The following GRK6 variants were observed in gnomAD, a reference collection of about 807,000 sequenced individuals.
GRK6 encodes the protein G protein-coupled receptor kinase 6.
GRK6 carries 37 observed loss-of-function variants against 80.8 expected under a neutral mutation model. The observed-to-expected ratio is 0.46, with a 90% CI of 0.35 to 0.60. The LOEUF (loss-of-function observed/expected upper bound fraction) is 0.60, where lower values mean the gene tolerates loss of function less well. GRK6 is among the 20% of genes least tolerant of loss of function. The pLI, the probability that GRK6 is intolerant of heterozygous loss-of-function variation, is 0.00. For missense variants in GRK6, 560 were observed against 784.6 expected (o/e 0.71, Z 3.42); for synonymous variants, 295 against 320.9 (o/e 0.92, Z 0.86).
intron 1 of GRK6, among the ~76,000 whole-genome samples, chr5:177,427,584 C>G (rs912555817): frequency 6.6e-6 from 1 of 152,076 alleles, no homozygotes; most frequent in African/African-American, 2.4e-5. Context: ...TGTAGCTCCT[C>G]GTGGCTCCCA....
intron 4 of GRK6, 114 bp from the exon 5 acceptor site, chr5:177,432,592 C>A: frequency 1.3e-6 from 1 of 792,350 alleles, no homozygotes. Flanking sequence ...GGCTGGCACA[C>A]CCTGGCCTGC....
chr5:177,440,726 T>C lies in GRK6; in HGVS notation c.1431T>C (p.Val477=). ...CCCAGGCCATTTACTGCAAGGATGT[T>C]CTGGACATTGAACAGTTCTCTACGG... ...PDPQAIYCKD[V]LDIEQFSTVK... is the part of the protein sequence containing the mutation. Residue 477 remains valine, a synonymous_variant, in exon 14 of 16, where the codon GTT becomes GTC. Coordinates refer to ENST00000355472, the MANE Select transcript of GRK6 (RefSeq NM_001004106.3). 6.2e-7 allele frequency: 1 copy of C among 1,614,196 alleles called. No individual in the cohort carries two copies. The highest frequency in any genetic ancestry group is 8.5e-7 in the Non-Finnish European group (1 of 1,180,028).
chr5:177,436,624 T>C (rs746539060), intron 13 of GRK6, 94 bp downstream of exon 13: 2 of 1,241,998 alleles, frequency 1.6e-6, no homozygotes, highest in Non-Finnish European at 2.2e-6. Flanking sequence ...CCAGTGCAAG[T>C]GGCAGAAAAA....
In GRK6 at chr5:177,428,385, C is replaced by T. The variant is rs1581671999; in HGVS notation, c.52+1488C>T. On this transcript the variant is annotated intron_variant, in intron 1 of 15. Transcript: ENST00000355472. This position sits in a 1 kb window ranked among gnomAD's most constrained non-coding sequence, Gnocchi z 4.1. ...GGTATGGCCAGACTGGGGACTGGTA[C>T]CTCCACTAGAGAACCCTTACGACAA... Among the ~76,000 whole-genome samples the T allele has an allele frequency of 6.6e-6, 1 of 152,206 alleles. No homozygotes were observed. Among genetic ancestry groups the T allele is most frequent in the African/African-American group, 2.4e-5 (1 of 41,444 alleles).
Position 177,441,757 on chromosome 5 carries a change from C to G in GRK6, c.1698C>G (p.Ser566Arg). The G allele has an allele frequency of 1.2e-6, 2 of 1,612,642 alleles. No homozygotes were observed. Among genetic ancestry groups the G allele is most frequent in the East Asian group, 2.2e-5 (1 of 44,876 alleles). Reference sequence around the variant, plus strand: ...TCCAGGATTGCTGTGGAAACTGCAGCGACAGCGAGGAAGAGCTCCCCACCC... The same window carrying G: ...TCCAGGATTGCTGTGGAAACTGCAGGGACAGCGAGGAAGAGCTCCCCACCC... The part of the protein sequence containing the change: ...FSRQDCCGNC[S>R]DSEEELPTRL The change falls in exon 16 of 16, where the codon AGC (serine) becomes AGG (arginine). Residue 566 changes from serine (S) to arginine (R), a missense_variant. Around this residue, in one of 3 missense-constraint regions of GRK6, gnomAD observed 294 missense variants for 397.4 expected, o/e 0.74. Transcript: ENST00000355472.
rs1245190061 is a variant in GRK6, at chr5:177,436,379, C to T, written c.1267-14C>T. On this transcript the variant is annotated splice_polypyrimidine_tract_variant and intron_variant, in intron 12 of 15. Transcript: ENST00000355472. ...ACCTGCCTGGCCTGCCTGGCCGACT[C>T]ACCCCTGCCACAGCTCCTCTGCAAG... The T allele has an allele frequency of 1.3e-6, 2 of 1,520,564 alleles. No individual in the cohort carries two copies. The highest frequency in any genetic ancestry group is 1.4e-5 in the African/African-American group (1 of 71,148). The allele number at this position is 1,520,564 out of a possible 1,614,324, so 94.2% of individuals were successfully genotyped here. A position where few individuals can be genotyped will look rare whatever the true frequency, so the allele number is the denominator to read the frequency against.
intron 11 of GRK6, among the ~76,000 whole-genome samples, chr5:177,435,813 G>T (rs1160309405): frequency 6.6e-6 from 1 of 152,248 alleles, no homozygotes; most frequent in Non-Finnish European, 1.5e-5. Context: ...ACTGTTTTTA[G>T]TAAGCCAGAT....
Position 177,436,130 on chromosome 5 carries a change from G to A in GRK6, c.1115G>A (p.Gly372Asp). 6.2e-7 allele frequency: 1 copy of A among 1,614,066 alleles called. No individual in the cohort carries two copies. Residue 372 changes from glycine to aspartate, a missense_variant, in exon 12 of 16, where the codon GGC (glycine) becomes GAC (aspartate). This residue lies in a region of GRK6 where 294 missense variants were observed against 397.4 expected (regional missense o/e 0.74). Transcript: ENST00000355472. Reference sequence around the variant, plus strand: ...TTCAGCCCTGACTGGTGGGCGCTCGGCTGCCTCCTGTACGAGATGATCGCA... The same window carrying A: ...TTCAGCCCTGACTGGTGGGCGCTCGACTGCCTCCTGTACGAGATGATCGCA... Reference protein sequence around the residue: ...YTFSPDWWALGCLLYEMIAGQ... With the variant: ...YTFSPDWWALDCLLYEMIAGQ...
intron 11 of GRK6, among the ~76,000 whole-genome samples, chr5:177,435,388 G>C (rs997425517): frequency 4.6e-5 from 7 of 152,248 alleles, no homozygotes; most frequent in Admixed American, 4.6e-4. Flanking sequence ...GGAGGAGAGA[G>C]ACCCAAACCT....
intron 13 of GRK6, among the ~76,000 whole-genome samples, chr5:177,439,523 A>G (rs1288003040): frequency 6.6e-6 from 1 of 151,456 alleles, no homozygotes; most frequent in African/African-American, 2.4e-5. Flanking sequence ...CTGGGCAACA[A>G]GAGCAAAACT....
Position 177,441,039 on chromosome 5 carries a change from C to T in GRK6, c.1663C>T (p.Leu555Phe). 1 of 1,613,914 alleles carries T rather than the reference C, an allele frequency of 6.2e-7. No homozygotes were observed. Among genetic ancestry groups the T allele is most frequent in the Non-Finnish European group, 8.5e-7 (1 of 1,179,928 alleles). ...TCCTAAAAAGGGACTGCTGCAGAGACTCTTCAGTCGCCAAGTAAGCCCCAG... is the reference window on the plus strand; with the variant it reads ...TCCTAAAAAGGGACTGCTGCAGAGATTCTTCAGTCGCCAAGTAAGCCCCAG... The part of the protein sequence containing the change: ...APPKKGLLQR[L>F]FSRQDCCGNC... Residue 555 changes from leucine to phenylalanine, a missense_variant, in exon 15 of 16, where the codon CTC (leucine) becomes TTC (phenylalanine). Transcript: ENST00000355472.
chr5:177,432,296 T>A lies in GRK6; in HGVS notation c.325T>A (p.Phe109Ile). 1 of 1,612,738 alleles carries A rather than the reference T, an allele frequency of 6.2e-7. No homozygotes were observed. The highest frequency in any genetic ancestry group is 1.1e-5 in the South Asian group (1 of 91,018). ...KACGRQLTQN[F>I]LSHTGPDLIP... is the part of the protein sequence containing the mutation. ...ATGTGGGCGGCAGCTAACGCAGAAT[T>A]TTCTGAGCCACACGGTGAGTGAGCA... The change falls in exon 4 of 16, where the codon TTT becomes ATT. Residue 109 changes from phenylalanine (F) to isoleucine (I), a missense_variant. This residue lies in a region of GRK6 where 189 missense variants were observed against 230.2 expected (regional missense o/e 0.82). Coordinates refer to ENST00000355472, the MANE Select transcript of GRK6 (RefSeq NM_001004106.3).
chr5:177,438,765 G>C (rs1346575185), intron 13 of GRK6: 2 of 152,282 alleles, frequency 1.3e-5, no homozygotes, highest in African/African-American at 4.8e-5. Flanking sequence ...ACTGCCCTGA[G>C]TGACTGCCTC....
At chr5:177,438,107 G>A (rs1020758505) in intron 13 of GRK6, among the ~76,000 whole-genome samples, 2 of 152,102 alleles carry the variant, frequency 1.3e-5, no homozygotes, top group Admixed American at 6.5e-5. Flanking sequence ...GGTGGCTCAC[G>A]CTGTAATCCC....
In GRK6 at chr5:177,426,878, G is replaced by A; in HGVS notation, c.33G>A (p.Val11=). 1 of 1,396,206 alleles carries A rather than the reference G, an allele frequency of 7.2e-7. No individual in the cohort carries two copies. Among genetic ancestry groups the A allele is most frequent in the South Asian group, 1.6e-5 (1 of 60,946 alleles). 86.5% of individuals were successfully genotyped at this position (1,396,206 alleles called of 1,614,324 possible). A position where few individuals can be genotyped will look rare whatever the true frequency, so the allele number is the denominator to read the frequency against. MELENIVANT[V]LLKAREGGGG... ...TCGAGAACATCGTAGCGAACACGGT[G>A]CTACTCAAGGCCCGGGAAGGTGAGG... The change falls in exon 1 of 16, where the codon GTG becomes GTA. Residue 11 remains valine, a synonymous_variant. Transcript: ENST00000355472.
At chr5:177,436,633 A>G in intron 13 of GRK6, 103 bp downstream of exon 13, 1 of 1,114,858 alleles carries the variant, frequency 9.0e-7, no homozygotes, top group South Asian at 1.5e-5. Context: ...GTGGCAGAAA[A>G]AACAATCTAG....
At chr5:177,439,124 G>C (rs950177158) in intron 13 of GRK6, among the ~76,000 whole-genome samples, 6 of 152,216 alleles carry the variant, frequency 3.9e-5, no homozygotes, top group Admixed American at 3.3e-4. Context: ...GATAAAATCA[G>C]TGCCCTGGAG....
intron 1 of GRK6, among the ~76,000 whole-genome samples, chr5:177,427,276 A>G (rs764768084): frequency 9.2e-5 from 14 of 152,220 alleles, no homozygotes; most frequent in Non-Finnish European, 1.9e-4. Flanking sequence ...ACCCTAGCCT[A>G]ATCCCGCGCA....
chr5:177,426,975 C>A (rs1032560732), intron 1 of GRK6, 78 bp downstream of exon 1: 1 of 1,003,496 alleles, frequency 1.0e-6, no homozygotes, highest in Non-Finnish European at 1.3e-6. Context: ...CAGGGCTACC[C>A]AGCCGTCGGA....
Sources: allele counts gnomAD v4.1 joint callset (sites outside exome capture counted in the v4.1 genomes callset), GRCh38; gene constraint gnomAD v4.1.1; regional missense constraint gnomAD v4.1.1; non-coding constraint Gnocchi (gnomAD v3.1); transcripts MANE v1.5; gene names NCBI Gene and HGNC (gene_info 2026-07-23, HGNC 2026-07-21).